Variants in PCDHA9 observed in about 807,000 individuals in gnomAD.
The protein encoded by PCDHA9 is protocadherin alpha-9.
A neutral mutation model predicts 62.0 loss-of-function variants in PCDHA9; 62 were observed. The observed-to-expected ratio is 1.00, with a 90% CI of 0.81 to 1.23. PCDHA9 has a LOEUF of 1.23. Among genes scored for constraint, PCDHA9 ranks in the 50% most tolerant of loss-of-function variants. The probability of loss-of-function intolerance (pLI) is 0.00; values close to 1 mark genes in which losing one functional copy is unlikely to be tolerated. For missense variants in PCDHA9, 1,205 were observed against 1,249.8 expected, an observed-to-expected ratio of 0.96 and a Z score of 0.54; for synonymous variants, 557 against 567.6, an observed-to-expected ratio of 0.98 and a Z score of 0.27.
chr5:140,966,402 G>A (rs1554228257), intron 1 of PCDHA9: 4 of 404,514 alleles, frequency 9.9e-6, no homozygotes, highest in African/African-American at 8.2e-5. Context: ...ACTTCGGCGC[G>A]GAATCAGAGC....
At chr5:140,988,672 G>A (rs1269904309) in intron 3 of PCDHA9, among the ~76,000 whole-genome samples, 1 of 152,180 alleles carries the variant, frequency 6.6e-6, no homozygotes, top group Non-Finnish European at 1.5e-5. Context: ...TAGACTCTAA[G>A]ATAATTCTTT....
rs1554263662 is a variant in PCDHA9 at position 141,011,810 on chromosome 5, G to A, written c.*1873G>A. The A allele has an allele frequency of 6.5e-6, 1 of 153,716 alleles. No individual in the cohort carries two copies. The highest frequency in any genetic ancestry group is 1.9e-4 in the East Asian group (1 of 5,198). 9.5% of individuals were successfully genotyped at this position (153,716 alleles called of 1,614,324 possible). ...ATGGTATCTGAAATATCAGCTCATA[G>A]AAAGTAACAAAATTTGCTGTCACCT... On this transcript the variant is annotated 3_prime_UTR_variant, in exon 4 of 4. Coordinates refer to ENST00000532602, the MANE Select transcript of PCDHA9 (RefSeq NM_031857.2).
intron 1 of PCDHA9, chr5:140,870,703 G>A (rs899824906): frequency 1.2e-6 from 2 of 1,612,916 alleles, no homozygotes; most frequent in East Asian, 2.2e-5. Context: ...ACAGTTCCAG[G>A]TGAGCGCGCG....
chr5:140,860,740 T>G (rs934240513), intron 1 of PCDHA9: 1 of 152,266 alleles, frequency 6.6e-6, no homozygotes, highest in Non-Finnish European at 1.5e-5. Context: ...TTTTGTTTTT[T>G]ATTTTTTATT....
intron 1 of PCDHA9, chr5:140,870,868 G>C (rs550915753): frequency 1.2e-6 from 2 of 1,613,944 alleles, no homozygotes; most frequent in Non-Finnish European, 1.7e-6. Context: ...TGCGGGCCAC[G>C]TGGTGGCGAA....
In PCDHA9 at chr5:140,927,984, A is replaced by G. The variant is rs112872627; in HGVS notation, c.2395-50965A>G. 5.7e-5 allele frequency: 92 copies of G among 1,614,218 alleles called. 4 individuals are homozygous for G. In the African/African-American group the frequency reaches 7.1e-4, roughly 12 times the overall value. Reference sequence around the variant, plus strand: ...GCACAGTGATTGCTCTCTTTAGTGTAAAGGATGAAGACCTCGATTCTAATG... The same window carrying G: ...GCACAGTGATTGCTCTCTTTAGTGTGAAGGATGAAGACCTCGATTCTAATG... On this transcript the variant is annotated intron_variant, in intron 1 of 3. Coordinates refer to ENST00000532602, the MANE Select transcript of PCDHA9 (RefSeq NM_031857.2).
At chr5:140,877,928 TTC>T in intron 1 of PCDHA9, 1 of 1,415,260 alleles carries the variant, frequency 7.1e-7, no homozygotes, top group Non-Finnish European at 9.3e-7. Context: ...TTCTTTATGA[TTC>T]TATCCTTTAA....
At chr5:140,881,235 T>C (rs2058632833) in intron 1 of PCDHA9, 1 of 352,648 alleles carries the variant, frequency 2.8e-6, no homozygotes, top group South Asian at 1.1e-4. Context: ...TTAAAGTCAA[T>C]TTAAATGACG....
chr5:140,853,476 A>G (rs2042763502), intron 1 of PCDHA9: 2 of 972,352 alleles, frequency 2.1e-6, no homozygotes, highest in South Asian at 4.8e-5. Context: ...TGTAGTTAAC[A>G]TTCCTCAATT....
chr5:140,850,541 G>T lies in PCDHA9; in HGVS notation c.2046G>T (p.Ala682=). 3 of 1,598,386 alleles carry T rather than the reference G, an allele frequency of 1.9e-6. No individual in the cohort carries two copies. Among genetic ancestry groups the T allele is most frequent in the Non-Finnish European group, 2.6e-6 (3 of 1,167,870 alleles). ...SGQAPKSSSR[A]SVGATGPEVT... is the part of the protein sequence containing the mutation. ...AGGCGCCAAAGTCATCGTCGCGGGC[G>T]TCAGTGGGTGCCACGGGCCCCGAGG... The change falls in exon 1 of 4, where the codon GCG becomes GCT. Residue 682 remains alanine, a synonymous_variant. Transcript: ENST00000532602.
Position 140,850,103 on chromosome 5 carries a change from C to T in PCDHA9, c.1608C>T (p.Ser536=), listed in dbSNP as rs2150467019. 4 of 1,596,104 alleles carry T rather than the reference C, an allele frequency of 2.5e-6. 1 individual carries two copies. Among genetic ancestry groups the T allele is most frequent in the African/African-American group, 1.3e-5 (1 of 74,456 alleles). Residue 536 remains serine (S), a synonymous_variant, in exon 1 of 4, where the codon AGC becomes AGT. Coordinates refer to ENST00000532602, the MANE Select transcript of PCDHA9 (RefSeq NM_031857.2). ...TGGAGCTGCTACAGTTCCAGGTGAGCGCGCGCGACGCGGGCGTGCCGCCTC... is the reference window on the plus strand; with the variant it reads ...TGGAGCTGCTACAGTTCCAGGTGAGTGCGCGCGACGCGGGCGTGCCGCCTC... ...EELELLQFQV[S]ARDAGVPPLG... is the part of the protein sequence containing the mutation.
At chr5:140,983,457 G>A (rs1354592991) in intron 3 of PCDHA9, among the ~76,000 whole-genome samples, 4 of 152,182 alleles carry the variant, frequency 2.6e-5, no homozygotes, top group Non-Finnish European at 4.4e-5. Flanking sequence ...TCTATTAATA[G>A]AACATCATGA....
At chr5:140,871,703 A>G (rs1202166124) in intron 1 of PCDHA9, 9 of 879,148 alleles carry the variant, frequency 1.0e-5, no homozygotes, top group African/African-American at 1.7e-5. Context: ...TTTAACCAAT[A>G]AATGTCCTAT....
chr5:140,923,245 G>T (rs1584300888), intron 1 of PCDHA9, among the ~76,000 whole-genome samples: 3 of 152,190 alleles, frequency 2.0e-5, no homozygotes, highest in East Asian at 1.9e-4. Context: ...TTTGAGACCA[G>T]CTGGGCAACA....
chr5:140,879,671 G>T (rs1442617511), intron 1 of PCDHA9, among the ~76,000 whole-genome samples: 3 of 152,210 alleles, frequency 2.0e-5, no homozygotes, highest in Admixed American at 1.3e-4. Context: ...AACACAAACT[G>T]GGTGCTGTAA....
chr5:140,849,964 T>C lies in PCDHA9; in HGVS notation c.1469T>C (p.Val490Ala). The part of the protein sequence containing the change: ...RDADAQENAL[V>A]SYSLVERRLG... ...GCTGACGCGCAGGAGAACGCCCTGGTGTCCTACTCGCTGGTGGAGCGGCGG... is the reference window on the plus strand; with the variant it reads ...GCTGACGCGCAGGAGAACGCCCTGGCGTCCTACTCGCTGGTGGAGCGGCGG... The change falls in exon 1 of 4, where the codon GTG becomes GCG. Residue 490 changes from valine (V) to alanine (A), a missense_variant. Transcript: ENST00000532602. The C allele has an allele frequency of 6.3e-7, 1 of 1,597,810 alleles. No individual in the cohort carries two copies. Among genetic ancestry groups the C allele is most frequent in the African/African-American group, 1.3e-5 (1 of 74,552 alleles).
At chr5:140,869,561 C>G in intron 1 of PCDHA9, 1 of 1,614,150 alleles carries the variant, frequency 6.2e-7, no homozygotes, top group Non-Finnish European at 8.5e-7. Flanking sequence ...TCGCGTTTTC[C>G]ACTAGAGGGA....
chr5:140,945,153 C>T (rs996541335), intron 1 of PCDHA9, among the ~76,000 whole-genome samples: 1 of 152,064 alleles, frequency 6.6e-6, no homozygotes, highest in African/African-American at 2.4e-5. Flanking sequence ...TTTCTATACA[C>T]TATTGAACTA....
chr5:140,894,571 T>A (rs782019282), intron 1 of PCDHA9, among the ~76,000 whole-genome samples: 5 of 151,906 alleles, frequency 3.3e-5, no homozygotes, highest in Non-Finnish European at 5.9e-5. Context: ...TTATTTTCCT[T>A]TTTTTTAATA....
Sources: allele counts gnomAD v4.1 joint callset (sites outside exome capture counted in the v4.1 genomes callset), GRCh38; gene constraint gnomAD v4.1.1; transcripts MANE v1.5; gene names NCBI Gene and HGNC (gene_info 2026-07-23, HGNC 2026-07-21).